Variants in RIF1 observed in about 807,000 individuals in gnomAD.
The protein encoded by RIF1 is telomere-associated protein RIF1.
RIF1 carries 45 observed loss-of-function variants against 247.1 expected under a neutral mutation model. That is an observed-to-expected ratio of 0.18 (90% CI 0.14 to 0.23). The LOEUF (loss-of-function observed/expected upper bound fraction) is 0.23, where lower values mean the gene tolerates loss of function less well. RIF1 is among the 10% of genes least tolerant of loss of function. The probability of loss-of-function intolerance (pLI) is 1.00; values close to 1 mark genes in which losing one functional copy is unlikely to be tolerated. For synonymous variants in RIF1, 1,087 were observed against 978.8 expected, an observed-to-expected ratio of 1.11 and a Z score of -2.06; for missense variants, 2,967 against 2,862.5, an observed-to-expected ratio of 1.04 and a Z score of -0.83.
chr2:151,432,893 C>T (rs1690438197), intron 9 of RIF1, among the ~76,000 whole-genome samples, 184 bp from the exon 10 acceptor site: 1 of 152,100 alleles, frequency 6.6e-6, no homozygotes, highest in Non-Finnish European at 1.5e-5. Context: ...GTTTTTGGTT[C>T]AGCTGTACTG....
At chr2:151,495,125 A>G (rs1332609615) in intron 9 of RIF1, 1 of 152,238 alleles carries the variant, frequency 6.6e-6, no homozygotes, top group Non-Finnish European at 1.5e-5. Flanking sequence ...ATCATTAAGG[A>G]ATAAGGTTTT....
rs142595279 is a variant in RIF1, at chr2:151,420,181, C to G, written c.504-9C>G. 565 of 1,603,120 alleles carry G rather than the reference C, an allele frequency of 3.5e-4. 2 individuals are homozygous for G. In the African/African-American group the frequency reaches 5.8e-3, roughly 16 times the overall value. ...TCACGCTAATTATTCATTGATTTCT[C>G]TATTATAGGCTAATTGAACAAGCCC... On this transcript the variant is annotated splice_polypyrimidine_tract_variant and intron_variant, in intron 6 of 35. Transcript: ENST00000444746.
At position 151,433,088 on chromosome 2, in the gene RIF1, A is replaced by C; in HGVS notation, c.937A>C (p.Ser313Arg). 4 of 1,612,656 alleles carry C rather than the reference A, an allele frequency of 2.5e-6. No homozygotes were observed. The highest frequency in any genetic ancestry group is 2.5e-6 in the Non-Finnish European group (3 of 1,178,948). Residue 313 changes from serine (S) to arginine (R), a missense_variant, in exon 10 of 36, where the codon AGT (serine) becomes CGT (arginine). Physicochemically the swap from Ser to Arg is moderately radical, Grantham distance 110. Transcript: ENST00000444746. The part of the protein sequence containing the change: ...NFALNPDILC[S>R]AKRLKLLMQP... Reference sequence around the variant, plus strand: ...TATTTTCTTTTAAGATATACTATGTAGTGCAAAAAGACTCAAGTTGTTAAT... The same window carrying C: ...TATTTTCTTTTAAGATATACTATGTCGTGCAAAAAGACTCAAGTTGTTAAT...
At chr2:151,448,260 T>G (rs1344056220) in intron 20 of RIF1, among the ~76,000 whole-genome samples, 1 of 152,126 alleles carries the variant, frequency 6.6e-6, no homozygotes, top group Non-Finnish European at 1.5e-5. Flanking sequence ...GCCAGGCTGG[T>G]CTTGAACTCC....
chr2:151,448,385 G>A (rs1404976629), intron 20 of RIF1, among the ~76,000 whole-genome samples: 2 of 152,154 alleles, frequency 1.3e-5, no homozygotes, highest in South Asian at 2.1e-4. Context: ...AAACAACAAA[G>A]CAAATTCCCC....
At chr2:151,508,242 G>A (rs923941426), downstream of RIF1, 4 of 560,316 alleles carry the variant, frequency 7.1e-6, no homozygotes, top group Admixed American at 3.1e-5. Flanking sequence ...AACTGTCCAA[G>A]GATGTTAGGG....
intron 9 of RIF1, 75 bp from the exon 10 acceptor site, chr2:151,433,002 A>G (rs1690462222): frequency 7.2e-6 from 8 of 1,106,094 alleles, no homozygotes; most frequent in Non-Finnish European, 1.0e-5. Context: ...GTGATAAAAG[A>G]CTGTTGCATA....
At chr2:151,425,660 CTTTT>C (rs34032157) in intron 8 of RIF1, among the ~76,000 whole-genome samples, 3 of 83,684 alleles carry the variant, frequency 3.6e-5, no homozygotes, top group South Asian at 5.3e-4. Flanking sequence ...TTGTGGTACC[CTTTT>C]TTTTTTTTTT....
chr2:151,459,318 T>C (rs1323551255), intron 25 of RIF1, among the ~76,000 whole-genome samples: 1 of 152,234 alleles, frequency 6.6e-6, no homozygotes, highest in Non-Finnish European at 1.5e-5. Flanking sequence ...AGGAGCAAAG[T>C]TTCTTTGGCT....
chr2:151,434,886 A>G (rs910440854), intron 10 of RIF1, among the ~76,000 whole-genome samples: 3 of 152,188 alleles, frequency 2.0e-5, no homozygotes, highest in Non-Finnish European at 4.4e-5. Context: ...AAATAGCTGC[A>G]TAGCAGGGAA....
At position 151,491,971 on chromosome 2, in the gene RIF1, C is replaced by A. The variant is rs572436771; in HGVS notation, c.*416-3258C>A. 81 of 1,103,846 alleles carry A rather than the reference C, an allele frequency of 7.3e-5. No individual in the cohort carries two copies. In the African/African-American group the frequency reaches 1.2e-3, roughly 17 times the overall value. 68.4% of individuals were successfully genotyped at this position (1,103,846 alleles called of 1,614,324 possible). A position where few individuals can be genotyped will look rare whatever the true frequency, so the allele number is the denominator to read the frequency against. On this transcript the variant is annotated intron_variant and NMD_transcript_variant, in intron 9 of 13. Transcript: ENST00000454583. ...TTTGTAAACTATGAGATAATAGGAGCTTTCTTGCACCTCTAGAAAAACAGA... is the reference window on the plus strand; with the variant it reads ...TTTGTAAACTATGAGATAATAGGAGATTTCTTGCACCTCTAGAAAAACAGA...
chr2:151,424,825 ATTTTTTTTT>A (rs71000475), intron 8 of RIF1, among the ~76,000 whole-genome samples: 33 of 47,286 alleles, frequency 7.0e-4, no homozygotes, highest in African/African-American at 2.1e-3. Flanking sequence ...AGCCCGGCTG[ATTTTTTTTT>A]TTTTTTTTTT....
intron 10 of RIF1, chr2:151,496,901 A>T (rs1450333673): frequency 2.7e-6 from 4 of 1,497,010 alleles, no homozygotes; most frequent in Non-Finnish European, 3.6e-6. Context: ...AATAGTTTTT[A>T]AAATCAGTAA....
chr2:151,443,602 T>TC lies in RIF1; in HGVS notation c.1880dup (p.Val628SerfsTer6). On this transcript the variant is annotated frameshift_variant, in exon 18 of 36. Transcript: ENST00000444746. LOFTEE classifies it high-confidence loss of function. ...AACTTCACCACTAGCTTTCAGTGAC[T>TC]CAGTTTTAAATGTTATTAATCAAAA... 6.2e-7 allele frequency: 1 copy of TC among 1,612,384 alleles called. No homozygotes were observed. The highest frequency in any genetic ancestry group is 8.5e-7 in the Non-Finnish European group (1 of 1,179,382).
intron 14 of RIF1, 38 bp downstream of exon 14, chr2:151,438,784 A>G (rs1691720022): frequency 2.4e-6 from 3 of 1,276,350 alleles, no homozygotes. Flanking sequence ...TGTTTTTTGA[A>G]ACAGGTGGTG....
At chr2:151,421,409 A>G (rs11896481) in intron 7 of RIF1, among the ~76,000 whole-genome samples, 39,300 of 152,108 alleles carry the variant, frequency 0.26, 5,645 homozygotes, top group Admixed American at 0.38. Flanking sequence ...GCCCTGCTCT[A>G]ATGGTTGTGT....
rs759821685 is a variant in RIF1, at chr2:151,436,901, A to G, written c.1270A>G (p.Ile424Val). Residue 424 changes from isoleucine to valine, a missense_variant, in exon 12 of 36, where the codon ATC becomes GTC. By Grantham distance (29) the Ile-to-Val change is conservative. Coordinates refer to ENST00000444746, the MANE Select transcript of RIF1 (RefSeq NM_018151.5). ...LSSNLGGMAT[I>V]PSIQLLGLEM... ...TTCGAATTTAGGTGGAATGGCCACA[A>G]TCCCATCCATTCAACTTTTGGGACT... is the stretch of plus-strand genomic sequence containing the variant. The G allele has an allele frequency of 5.6e-6, 9 of 1,614,032 alleles. No individual in the cohort carries two copies. The highest frequency in any genetic ancestry group is 5.5e-5 in the South Asian group (5 of 91,074).
chr2:151,472,389 C>CA (rs917879196), intron 34 of RIF1, among the ~76,000 whole-genome samples: 2 of 152,166 alleles, frequency 1.3e-5, no homozygotes, highest in African/African-American at 2.4e-5. Context: ...TTGCCCTGGC[C>CA]AGAACTTCCA....
chr2:151,415,030 C>G (rs1220438299), intron 4 of RIF1, 111 bp downstream of exon 4: 2 of 680,334 alleles, frequency 2.9e-6, no homozygotes, highest in Admixed American at 2.8e-5. Context: ...GTTTCAGAAC[C>G]TGTAGTTTAA....
Sources: allele counts gnomAD v4.1 joint callset (sites outside exome capture counted in the v4.1 genomes callset), GRCh38; gene constraint gnomAD v4.1.1; transcripts MANE v1.5; gene names NCBI Gene and HGNC (gene_info 2026-07-23, HGNC 2026-07-21).